Variants in KCNJ3 observed in about 807,000 individuals in gnomAD.
KCNJ3 encodes the protein potassium inwardly rectifying channel subfamily J member 3.
A neutral mutation model predicts 39.2 loss-of-function variants in KCNJ3; 4 were observed. That is an observed-to-expected ratio of 0.10 (90% CI 0.05 to 0.23). The LOEUF (loss-of-function observed/expected upper bound fraction) is 0.23. Ranked by LOEUF, KCNJ3 falls within the 10% of genes least tolerant of loss-of-function variation. KCNJ3 has a pLI of 1.00. For synonymous variants in KCNJ3, 230 were observed against 237.4 expected, an observed-to-expected ratio of 0.97 and a Z score of 0.29; for missense variants, 276 against 634.9, an observed-to-expected ratio of 0.43 and a Z score of 6.08.
chr2:154,779,240 T>C (rs2105201836), intron 2 of KCNJ3, among the ~76,000 whole-genome samples: 1 of 151,964 alleles, frequency 6.6e-6, no homozygotes, highest in African/African-American at 2.4e-5. Flanking sequence ...GTCACTTACC[T>C]CTAGCCCAGA....
At chr2:154,845,674 T>C (rs1160770901) in intron 2 of KCNJ3, among the ~76,000 whole-genome samples, 1 of 152,020 alleles carries the variant, frequency 6.6e-6, no homozygotes, top group East Asian at 1.9e-4. Context: ...TAATAATCAG[T>C]TGAAAGTGAA....
chr2:154,850,538 G>A (rs1687741979), intron 2 of KCNJ3, among the ~76,000 whole-genome samples: 1 of 152,070 alleles, frequency 6.6e-6, no homozygotes, highest in Non-Finnish European at 1.5e-5. Context: ...GGCAAACATA[G>A]ACATTTTTCT....
At chr2:154,845,983 A>G (rs1026353462) in intron 2 of KCNJ3, among the ~76,000 whole-genome samples, 2 of 151,754 alleles carry the variant, frequency 1.3e-5, no homozygotes, top group African/African-American at 2.4e-5. Context: ...AAAAAAAAAA[A>G]GGAAGTGAAT....
intron 2 of KCNJ3, among the ~76,000 whole-genome samples, chr2:154,838,322 G>GACTA (rs1687504411): frequency 6.6e-6 from 1 of 152,118 alleles, no homozygotes. Flanking sequence ...CAAAATAGCA[G>GACTA]ACTAGCATGG....
intron 2 of KCNJ3, among the ~76,000 whole-genome samples, chr2:154,753,265 T>A (rs1204761205): frequency 6.6e-6 from 1 of 152,154 alleles, no homozygotes; most frequent in Non-Finnish European, 1.5e-5. Context: ...ACCACAGAAA[T>A]GGATCATAGT....
intron 2 of KCNJ3, among the ~76,000 whole-genome samples, chr2:154,726,796 T>TACACACACACACACACACACAC (rs58366846): frequency 3.5e-5 from 4 of 115,376 alleles, no homozygotes; most frequent in African/African-American, 1.2e-4. Context: ...TTTATATACA[T>TACACACACACACACACACACAC]ACACACACAC....
chr2:154,760,653 A>T (rs761426407), intron 2 of KCNJ3, among the ~76,000 whole-genome samples: 13 of 151,726 alleles, frequency 8.6e-5, no homozygotes, highest in Non-Finnish European at 1.6e-4. Flanking sequence ...TCCTGGGCTG[A>T]ACTGATCCTT....
At position 154,698,769 on chromosome 2, in the gene KCNJ3, T is replaced by C. The variant is rs1412601882; in HGVS notation, c.-7T>C. On this transcript the variant is annotated 5_prime_UTR_variant, in exon 1 of 3. Coordinates refer to ENST00000295101, the MANE Select transcript of KCNJ3 (RefSeq NM_002239.4). ...TCGCGTTTGAATCTGGCTCGCCCCT[T>C]CGTATTATGTCTGCACTCCGAAGGA... is the stretch of plus-strand genomic sequence containing the variant. The C allele has an allele frequency of 6.4e-7, 1 of 1,552,874 alleles. No homozygotes were observed. The highest frequency in any genetic ancestry group is 8.8e-7 in the Non-Finnish European group (1 of 1,137,348).
At chr2:154,802,161 T>C (rs773470180) in intron 2 of KCNJ3, among the ~76,000 whole-genome samples, 1 of 152,116 alleles carries the variant, frequency 6.6e-6, no homozygotes, top group African/African-American at 2.4e-5. Flanking sequence ...TATGTAATTT[T>C]TTTTTAGGTT....
At chr2:154,827,781 A>G (rs1010921742) in intron 2 of KCNJ3, among the ~76,000 whole-genome samples, 1 of 152,182 alleles carries the variant, frequency 6.6e-6, no homozygotes, top group South Asian at 2.1e-4. Flanking sequence ...ATTCACTGTA[A>G]TATATTCTAA....
chr2:154,748,022 C>G (rs369422609), intron 2 of KCNJ3, among the ~76,000 whole-genome samples: 8 of 152,058 alleles, frequency 5.3e-5, no homozygotes, highest in African/African-American at 1.9e-4. Context: ...CCCTAGAACC[C>G]TAGAGATTGT....
chr2:154,724,084 ACT>A (rs1685309512), intron 2 of KCNJ3, among the ~76,000 whole-genome samples: 1 of 152,120 alleles, frequency 6.6e-6, no homozygotes, highest in African/African-American at 2.4e-5. Context: ...GAAAAGAATG[ACT>A]CTGTGAAGAA....
At chr2:154,765,227 C>T (rs2105191717) in intron 2 of KCNJ3, among the ~76,000 whole-genome samples, 1 of 152,234 alleles carries the variant, frequency 6.6e-6, no homozygotes, top group Admixed American at 6.5e-5. Flanking sequence ...AGAACCACTG[C>T]TTTAGAGTTT....
At chr2:154,727,245 A>G (rs1359380069) in intron 2 of KCNJ3, among the ~76,000 whole-genome samples, 1 of 152,092 alleles carries the variant, frequency 6.6e-6, no homozygotes, top group East Asian at 1.9e-4. Context: ...CTTACTTGTA[A>G]TCTACACAGA....
intron 2 of KCNJ3, among the ~76,000 whole-genome samples, chr2:154,790,223 T>A (rs1035919569): frequency 6.6e-6 from 1 of 152,080 alleles, no homozygotes; most frequent in East Asian, 1.9e-4. Context: ...TAGAAAGTTA[T>A]CCAAGGAATA....
At chr2:154,710,505 G>A (rs1453238329) in intron 2 of KCNJ3, among the ~76,000 whole-genome samples, 1 of 152,048 alleles carries the variant, frequency 6.6e-6, no homozygotes, top group Non-Finnish European at 1.5e-5. Context: ...AGTTGACAAA[G>A]GAAATAAACA....
At chr2:154,773,786 A>C (rs527856022) in intron 2 of KCNJ3, among the ~76,000 whole-genome samples, 1 of 152,272 alleles carries the variant, frequency 6.6e-6, no homozygotes, top group Non-Finnish European at 1.5e-5. Flanking sequence ...CGCATGTCTT[A>C]ATATGTAAAT....
chr2:154,813,784 T>C (rs1397649754), intron 2 of KCNJ3, among the ~76,000 whole-genome samples: 1 of 152,222 alleles, frequency 6.6e-6, no homozygotes, highest in African/African-American at 2.4e-5. Flanking sequence ...AAGGATACAA[T>C]GTTAACACTG....
At chr2:154,708,831 C>G (rs947760158) in intron 1 of KCNJ3, among the ~76,000 whole-genome samples, 1 of 152,022 alleles carries the variant, frequency 6.6e-6, no homozygotes, top group South Asian at 2.1e-4. Flanking sequence ...CCTTAGAAAC[C>G]TTTTATTAAA....
Sources: gnomAD v4.1 joint callset for allele counts (sites outside exome capture counted in the v4.1 genomes callset) on GRCh38, gnomAD v4.1.1 for gene constraint, MANE v1.5 for transcripts, NCBI Gene and HGNC (gene_info 2026-07-23, HGNC 2026-07-21) for gene names.